PTBP2: variants seen among roughly 807,000 people sequenced by gnomAD.
The protein encoded by PTBP2 is polypyrimidine tract-binding protein 2.
A neutral mutation model predicts 61.4 loss-of-function variants in PTBP2; 13 were observed. The ratio of observed to expected loss-of-function variants is 0.21; its 90% CI spans 0.14 to 0.34. The LOEUF (loss-of-function observed/expected upper bound fraction) is 0.34. PTBP2 is among the 10% of genes least tolerant of loss of function. The pLI, the probability that PTBP2 is intolerant of heterozygous loss-of-function variation, is 1.00. For synonymous variants in PTBP2, 215 were observed against 218.5 expected (o/e 0.98, Z 0.14); for missense variants, 405 against 642.6 (o/e 0.63, Z 4.00).
intron 8 of PTBP2, among the ~76,000 whole-genome samples, chr1:96,795,070 G>C (rs1367049005): frequency 6.6e-6 from 1 of 152,090 alleles, no homozygotes; most frequent in Non-Finnish European, 1.5e-5. Flanking sequence ...TAGATGTTTG[G>C]CTTTTTTCAG....
chr1:96,766,871 A>C (rs991621178), intron 3 of PTBP2, among the ~76,000 whole-genome samples: 2 of 152,072 alleles, frequency 1.3e-5, no homozygotes, highest in African/African-American at 4.8e-5. Flanking sequence ...ACTATAGTGT[A>C]GTTGTTGAAG....
chr1:96,733,617 G>A (rs1328668327), intron 2 of PTBP2, among the ~76,000 whole-genome samples: 1 of 152,068 alleles, frequency 6.6e-6, no homozygotes, highest in Non-Finnish European at 1.5e-5. Flanking sequence ...GCGGCAGTGA[G>A]CTATGATTGT....
At chr1:96,792,638 A>C (rs764057758) in intron 8 of PTBP2, among the ~76,000 whole-genome samples, 4 of 152,144 alleles carry the variant, frequency 2.6e-5, no homozygotes, top group Non-Finnish European at 4.4e-5. Flanking sequence ...CAAGTCCATT[A>C]AGTATTTAGC....
At chr1:96,803,468 A>C (rs1191934871) in intron 8 of PTBP2, among the ~76,000 whole-genome samples, 1 of 152,176 alleles carries the variant, frequency 6.6e-6, no homozygotes, top group Non-Finnish European at 1.5e-5. Context: ...TGTGAAAAGA[A>C]ACTCATCAAG....
At chr1:96,735,912 A>G (rs1210651820) in intron 2 of PTBP2, among the ~76,000 whole-genome samples, 1 of 152,202 alleles carries the variant, frequency 6.6e-6, no homozygotes, top group Non-Finnish European at 1.5e-5. Context: ...AAACCTGGAC[A>G]CATAACAGTA....
At chr1:96,789,495 A>C (rs1003814129) in intron 8 of PTBP2, among the ~76,000 whole-genome samples, 2 of 152,106 alleles carry the variant, frequency 1.3e-5, no homozygotes, top group Admixed American at 6.5e-5. Context: ...GTTGAGAATT[A>C]CTGCTACAGA....
At chr1:96,792,152 A>G (rs1404235625) in intron 8 of PTBP2, among the ~76,000 whole-genome samples, 1 of 151,964 alleles carries the variant, frequency 6.6e-6, no homozygotes, top group Non-Finnish European at 1.5e-5. Context: ...AGAGTTTTTT[A>G]TGTAATTATT....
chr1:96,800,085 T>G (rs1040219434), intron 8 of PTBP2, among the ~76,000 whole-genome samples: 5 of 152,172 alleles, frequency 3.3e-5, no homozygotes, highest in Non-Finnish European at 5.9e-5. Flanking sequence ...AGGTGGTGGC[T>G]TCTTTTACCT....
chr1:96,776,941 G>A (rs961539420), intron 5 of PTBP2, among the ~76,000 whole-genome samples: 3 of 151,914 alleles, frequency 2.0e-5, no homozygotes, highest in African/African-American at 7.2e-5. Flanking sequence ...TAAAACAATA[G>A]TGCATTTTAT....
At chr1:96,748,332 A>G (rs1359516256) in intron 2 of PTBP2, among the ~76,000 whole-genome samples, 2 of 152,202 alleles carry the variant, frequency 1.3e-5, no homozygotes, top group African/African-American at 2.4e-5. Context: ...GGACTAGACT[A>G]TTATGATAAA....
chr1:96,768,921 A>G (rs980024901), intron 3 of PTBP2, among the ~76,000 whole-genome samples: 1 of 152,032 alleles, frequency 6.6e-6, no homozygotes, highest in Non-Finnish European at 1.5e-5. Flanking sequence ...ACCTTCAAGT[A>G]CATTTTTCAA....
chr1:96,774,556 C>T (rs1238923657), intron 5 of PTBP2, among the ~76,000 whole-genome samples: 2 of 152,212 alleles, frequency 1.3e-5, no homozygotes, highest in African/African-American at 2.4e-5. Context: ...TCTTTCACAT[C>T]CGTTCATGAA....
At chr1:96,724,893 T>G (rs534812868) in intron 2 of PTBP2, among the ~76,000 whole-genome samples, 15 of 152,304 alleles carry the variant, frequency 9.8e-5, no homozygotes, top group Admixed American at 3.9e-4. Context: ...TGATGTGGTG[T>G]TCTTTCAAAT....
chr1:96,722,443 G>C (rs1490316062), intron 1 of PTBP2, among the ~76,000 whole-genome samples: 4 of 151,940 alleles, frequency 2.6e-5, no homozygotes. Context: ...GCTGGGGAAG[G>C]GGGGAGGGCG....
chr1:96,808,849 C>G (rs1324974590), intron 11 of PTBP2, among the ~76,000 whole-genome samples: 1 of 151,842 alleles, frequency 6.6e-6, no homozygotes, highest in Non-Finnish European at 1.5e-5. Context: ...ACACAAAACT[C>G]TATGGTGTAC....
At chr1:96,747,710 A>G (rs1263864617) in intron 2 of PTBP2, among the ~76,000 whole-genome samples, 3 of 152,262 alleles carry the variant, frequency 2.0e-5, no homozygotes, top group South Asian at 2.1e-4. Flanking sequence ...TCCTGTTGGT[A>G]TAAGAAAGTG....
intron 8 of PTBP2, among the ~76,000 whole-genome samples, chr1:96,788,669 A>G (rs1339262039): frequency 6.6e-6 from 1 of 151,908 alleles, no homozygotes; most frequent in Non-Finnish European, 1.5e-5. Flanking sequence ...ATAAGGTGAT[A>G]CTCTTTTGCT....
chr1:96,761,164 G>C (rs952388544), intron 3 of PTBP2, among the ~76,000 whole-genome samples: 3 of 152,180 alleles, frequency 2.0e-5, no homozygotes, highest in Non-Finnish European at 4.4e-5. Flanking sequence ...GCATTTTCTG[G>C]TGTGATGGAA....
At chr1:96,725,838 G>C (rs1650372901) in intron 2 of PTBP2, among the ~76,000 whole-genome samples, 1 of 151,788 alleles carries the variant, frequency 6.6e-6, no homozygotes, top group Admixed American at 6.6e-5. Context: ...CCAGCACTTT[G>C]GGAGGCCGAG....
Sources: allele counts gnomAD v4.1 joint callset (sites outside exome capture counted in the v4.1 genomes callset), GRCh38; gene constraint gnomAD v4.1.1; transcripts MANE v1.5; gene names NCBI Gene and HGNC (gene_info 2026-07-23, HGNC 2026-07-21).